Variants in EXT1 observed in about 807,000 individuals in gnomAD.
The protein encoded by EXT1 is exostosin glycosyltransferase 1.
In EXT1, 20 loss-of-function variants were observed where a neutral mutation model predicts 82.5. The ratio of observed to expected loss-of-function variants is 0.24; its 90% CI spans 0.17 to 0.35. The LOEUF (loss-of-function observed/expected upper bound fraction) is 0.35, where lower values mean the gene tolerates loss of function less well. Ranked by LOEUF, EXT1 falls within the 10% of genes least tolerant of loss-of-function variation. EXT1 has a pLI of 1.00. For missense variants in EXT1, 757 were observed against 936.5 expected (o/e 0.81, Z 2.50); for synonymous variants, 348 against 350.8 (o/e 0.99, Z 0.09).
intron 6 of EXT1, 98 bp downstream of exon 6, chr8:117,819,578 G>A (rs1811887227): frequency 4.7e-6 from 4 of 845,228 alleles, no homozygotes; most frequent in Non-Finnish European, 7.5e-6. Context: ...AGAAGTCCCG[G>A]GGAGCCTGGG....
At chr8:118,091,796 T>C (rs1430076567) in intron 1 of EXT1, among the ~76,000 whole-genome samples, 1 of 151,842 alleles carries the variant, frequency 6.6e-6, no homozygotes, top group East Asian at 1.9e-4. Context: ...TCTCTATATA[T>C]ATATGTATCT....
chr8:117,955,329 G>A (rs980054806), intron 1 of EXT1, among the ~76,000 whole-genome samples: 3 of 152,176 alleles, frequency 2.0e-5, no homozygotes, highest in African/African-American at 7.2e-5. Flanking sequence ...CCTCCCTGGA[G>A]AATAGGGGTA....
chr8:117,987,123 C>T (rs754324386), intron 1 of EXT1, among the ~76,000 whole-genome samples: 29 of 152,198 alleles, frequency 1.9e-4, no homozygotes, highest in Admixed American at 9.8e-4. Flanking sequence ...TAAGCTATCT[C>T]TGAGGTTGTA....
chr8:117,806,005 C>T (rs373887948), intron 9 of EXT1, among the ~76,000 whole-genome samples: 3 of 152,300 alleles, frequency 2.0e-5, no homozygotes, highest in Middle Eastern at 3.4e-3. Context: ...TGTTGATCAG[C>T]CCTCTAATCT....
intron 1 of EXT1, among the ~76,000 whole-genome samples, chr8:117,877,209 C>T (rs550070569): frequency 3.3e-5 from 5 of 152,188 alleles, no homozygotes; most frequent in Non-Finnish European, 7.3e-5. Context: ...GCCGGCGCAA[C>T]TGAAATGGTC....
chr8:117,809,218 A>AATATAAATATAT (rs1554657607), intron 8 of EXT1, among the ~76,000 whole-genome samples: 1 of 107,946 alleles, frequency 9.3e-6, no homozygotes, highest in Non-Finnish European at 1.9e-5. Flanking sequence ...TGTGTGTATA[A>AATATAAATATAT]ATATATATAT....
At chr8:118,088,920 C>A (rs1817475702) in intron 1 of EXT1, among the ~76,000 whole-genome samples, 1 of 152,272 alleles carries the variant, frequency 6.6e-6, no homozygotes, top group African/African-American at 2.4e-5. Flanking sequence ...ACACCTTTAA[C>A]TAGTCACACT....
At chr8:117,846,288 A>G (rs1005029467) in intron 1 of EXT1, among the ~76,000 whole-genome samples, 8 of 151,796 alleles carry the variant, frequency 5.3e-5, no homozygotes, top group Non-Finnish European at 1.2e-4. Context: ...TTGTATTTTT[A>G]GTAGAGATGG....
At chr8:117,934,133 G>T (rs1040352463) in intron 1 of EXT1, among the ~76,000 whole-genome samples, 4 of 152,170 alleles carry the variant, frequency 2.6e-5, no homozygotes, top group Admixed American at 2.0e-4. Flanking sequence ...AGACACACCT[G>T]TAAATTTTCA....
At chr8:118,061,753 T>G (rs1023912854) in intron 1 of EXT1, among the ~76,000 whole-genome samples, 4 of 152,228 alleles carry the variant, frequency 2.6e-5, no homozygotes, top group African/African-American at 9.6e-5. Context: ...CCAAATAACA[T>G]TCCTAGATTT....
chr8:117,825,641 T>C (rs1379082564), intron 4 of EXT1, among the ~76,000 whole-genome samples: 1 of 152,240 alleles, frequency 6.6e-6, no homozygotes, highest in Non-Finnish European at 1.5e-5. Context: ...CAATTGGTTA[T>C]AGGTTAAAGT....
intron 1 of EXT1, among the ~76,000 whole-genome samples, chr8:118,059,395 A>G (rs568999499): frequency 1.3e-5 from 2 of 152,156 alleles, no homozygotes; most frequent in African/African-American, 4.8e-5. Flanking sequence ...ACAGGCCACC[A>G]CTCTCATAAG....
At chr8:117,961,773 A>T (rs897591020) in intron 1 of EXT1, among the ~76,000 whole-genome samples, 5 of 152,200 alleles carry the variant, frequency 3.3e-5, no homozygotes, top group African/African-American at 1.2e-4. Flanking sequence ...TGCTTACAAC[A>T]TGCACACAGA....
In EXT1 at chr8:117,807,217, T is replaced by C. The variant is rs1251059183; in HGVS notation, c.1883A>G (p.Lys628Arg). 7 of 1,614,084 alleles carry C rather than the reference T, an allele frequency of 4.3e-6. No individual in the cohort carries two copies. The highest frequency in any genetic ancestry group is 4.0e-5 in the African/African-American group (3 of 74,938). ...TAAGAGACATGTCCAGATTCCTCAC[T>C]TGTGGTAAATAGCAGCTCCTGTCAA... ...MVLTGAAIYH[K>R]YYHYLYSHYL... The change falls in exon 9 of 11, where the codon AAA becomes AGA. Residue 628 changes from lysine to arginine, a missense_variant and splice_region_variant. Coordinates refer to ENST00000378204, the MANE Select transcript of EXT1 (RefSeq NM_000127.3).
chr8:117,968,833 TG>T (rs1814881984), intron 1 of EXT1, among the ~76,000 whole-genome samples: 1 of 64,480 alleles, frequency 1.6e-5, no homozygotes, highest in Non-Finnish European at 2.5e-5. Context: ...CCTCCCAAAG[TG>T]CTGGGATTAC....
intron 1 of EXT1, among the ~76,000 whole-genome samples, chr8:118,019,790 A>C (rs1816068306): frequency 6.6e-6 from 1 of 152,138 alleles, no homozygotes; most frequent in Admixed American, 6.5e-5. Flanking sequence ...ACTCTGACCA[A>C]AGTTACCCAC....
At chr8:118,000,766 A>C (rs1286540725) in intron 1 of EXT1, among the ~76,000 whole-genome samples, 1 of 152,028 alleles carries the variant, frequency 6.6e-6, no homozygotes, top group Non-Finnish European at 1.5e-5. Context: ...AGCACCTGGC[A>C]AATCATCACA....
intron 1 of EXT1, among the ~76,000 whole-genome samples, chr8:117,914,524 G>A (rs1249621650): frequency 2.0e-5 from 3 of 152,208 alleles, no homozygotes; most frequent in Non-Finnish European, 4.4e-5. Flanking sequence ...CCTATAAATG[G>A]ACGTGCGAGT....
intron 1 of EXT1, among the ~76,000 whole-genome samples, chr8:117,971,398 T>G (rs1320736826): frequency 6.6e-6 from 1 of 152,114 alleles, no homozygotes; most frequent in African/African-American, 2.4e-5. Flanking sequence ...ACAAAACAGT[T>G]ACTGATGTAT....
Sources: allele counts gnomAD v4.1 joint callset (sites outside exome capture counted in the v4.1 genomes callset), GRCh38; gene constraint gnomAD v4.1.1; transcripts MANE v1.5; gene names NCBI Gene and HGNC (gene_info 2026-07-23, HGNC 2026-07-21).